The following CAMTA1 variants were observed in gnomAD, a reference collection of about 807,000 sequenced individuals.
CAMTA1 encodes calmodulin-binding transcription activator 1.
Under a neutral mutation model 170.9 loss-of-function variants are expected in CAMTA1, and 27 were observed. The observed-to-expected ratio is 0.16, with a 90% CI of 0.12 to 0.22. The LOEUF is 0.22. CAMTA1 is among the 10% of genes least tolerant of loss of function. The pLI is 1.00. For synonymous variants in CAMTA1, 833 were observed against 891.5 expected (o/e 0.93, Z 1.17); for missense variants, 1,619 against 2,217.2 (o/e 0.73, Z 5.42).
chr1:7,338,139 C>T (rs1489023614), intron 5 of CAMTA1, among the ~76,000 whole-genome samples: 1 of 151,936 alleles, frequency 6.6e-6, no homozygotes, highest in East Asian at 1.9e-4. Context: ...GTGCCACTTC[C>T]TCCTCCAGAT....
At chr1:7,328,791 C>A (rs979523987) in intron 5 of CAMTA1, among the ~76,000 whole-genome samples, 3 of 151,958 alleles carry the variant, frequency 2.0e-5, no homozygotes, top group Non-Finnish European at 2.9e-5. Context: ...TTTACCTTTT[C>A]CCCCCAAATC....
chr1:7,294,057 C>T (rs17350193), intron 5 of CAMTA1, among the ~76,000 whole-genome samples: 5,871 of 152,248 alleles, frequency 0.039, 160 homozygotes, highest in Middle Eastern at 0.13. Flanking sequence ...ATGCAGAGGG[C>T]GTTAGTTGAT....
Position 7,064,331 on chromosome 1 carries a change from C to T in CAMTA1, c.235-26973C>T, listed in dbSNP as rs566815049. The stretch of plus-strand genomic sequence containing the variant: ...GAAGCCATTAATATAATCATGAGGA[C>T]ACCTACCTTCATGACTTGTCTCATA... On this transcript the variant is annotated intron_variant, in intron 3 of 22. Coordinates refer to ENST00000303635, the MANE Select transcript of CAMTA1 (RefSeq NM_015215.4). The surrounding 1 kb of genome is among the most constrained non-coding windows in gnomAD (Gnocchi z 5.4). Among the ~76,000 whole-genome samples the T allele has an allele frequency of 4.3e-4, 65 of 152,254 alleles. No individual in the cohort carries two copies. Among genetic ancestry groups the T allele is most frequent in the Admixed American group, 7.8e-4 (12 of 15,288 alleles).
At chr1:7,287,796 T>C (rs1372042759) in intron 5 of CAMTA1, among the ~76,000 whole-genome samples, 2 of 152,186 alleles carry the variant, frequency 1.3e-5, no homozygotes, top group Non-Finnish European at 2.9e-5. Context: ...GCTCCTTCTA[T>C]TGTGTGGCTC....
At chr1:7,054,391 A>C (rs1706963709) in intron 3 of CAMTA1, among the ~76,000 whole-genome samples, 1 of 152,260 alleles carries the variant, frequency 6.6e-6, no homozygotes, top group African/African-American at 2.4e-5. Flanking sequence ...TTCAGGCTTC[A>C]TTCCTGCTGG....
At chr1:7,425,411 A>G (rs907254799) in intron 5 of CAMTA1, among the ~76,000 whole-genome samples, 4 of 152,098 alleles carry the variant, frequency 2.6e-5, no homozygotes, top group African/African-American at 9.7e-5. Context: ...GCAGTCCCCT[A>G]GCCCATGTCA....
At position 7,295,504 on chromosome 1, in the gene CAMTA1, C is replaced by G. The variant is rs1184174646; in HGVS notation, c.438+45878C>G. On this transcript the variant is annotated intron_variant, in intron 5 of 22. Coordinates refer to ENST00000303635, the MANE Select transcript of CAMTA1 (RefSeq NM_015215.4). ...CTGGTAAGGGTTTGAGTAAAACAGA[C>G]TGATTGGATAGTTAGTGATGCTGGG... Among the ~76,000 whole-genome samples, 3 of 152,176 alleles carry G rather than the reference C, an allele frequency of 2.0e-5. No homozygotes were observed. In the East Asian group the frequency reaches 5.8e-4, roughly 29 times the overall value.
chr1:7,164,893 A>G (rs577069342), intron 4 of CAMTA1, among the ~76,000 whole-genome samples: 3 of 152,374 alleles, frequency 2.0e-5, no homozygotes, highest in Non-Finnish European at 4.4e-5. Context: ...CAATGGTAAC[A>G]TCATCTGTTA....
At chr1:6,801,541 G>T (rs569547690) in intron 1 of CAMTA1, among the ~76,000 whole-genome samples, 6 of 152,114 alleles carry the variant, frequency 3.9e-5, no homozygotes, top group Non-Finnish European at 8.8e-5. Context: ...AAAAAGTCAT[G>T]ATTTTCAGAA....
intron 3 of CAMTA1, among the ~76,000 whole-genome samples, chr1:6,997,271 G>A (rs61780914): frequency 0.018 from 2,704 of 152,148 alleles, 68 homozygotes; most frequent in South Asian, 0.089. Context: ...TTGTGTGTGT[G>A]TGTGTGCGAG....
chr1:7,130,234 C>A (rs747499263), intron 4 of CAMTA1, among the ~76,000 whole-genome samples: 2 of 152,176 alleles, frequency 1.3e-5, no homozygotes, highest in Non-Finnish European at 2.9e-5. Flanking sequence ...GCACCATGCC[C>A]AGTCAAATCT....
At chr1:7,298,293 T>C (rs1387738901) in intron 5 of CAMTA1, among the ~76,000 whole-genome samples, 1 of 149,230 alleles carries the variant, frequency 6.7e-6, no homozygotes, top group Admixed American at 6.7e-5. Flanking sequence ...TGCATTGTCA[T>C]TTTAGCCTTC....
At chr1:7,267,987 TATC>T (rs896601375) in intron 5 of CAMTA1, among the ~76,000 whole-genome samples, 33 of 152,178 alleles carry the variant, frequency 2.2e-4, no homozygotes, top group African/African-American at 7.5e-4. Flanking sequence ...GTAGTGAACT[TATC>T]ATCCCACCCA....
chr1:7,497,393 C>G (rs1356445611), intron 6 of CAMTA1, among the ~76,000 whole-genome samples: 1 of 152,186 alleles, frequency 6.6e-6, no homozygotes, highest in Non-Finnish European at 1.5e-5. Context: ...AAGCCTATAC[C>G]CTGGCTGAAA....
intron 3 of CAMTA1, among the ~76,000 whole-genome samples, chr1:6,923,957 C>T (rs2149335650): frequency 6.6e-6 from 1 of 152,224 alleles, no homozygotes; most frequent in South Asian, 2.1e-4. Flanking sequence ...CCAGAGAGAA[C>T]CCCCATTACT....
chr1:6,847,476 G>A (rs1001139061), intron 3 of CAMTA1, among the ~76,000 whole-genome samples: 2 of 151,960 alleles, frequency 1.3e-5, no homozygotes, highest in African/African-American at 4.8e-5. Context: ...AGAGATGGAT[G>A]AGTTAAGGTT....
intron 6 of CAMTA1, among the ~76,000 whole-genome samples, chr1:7,623,233 C>A (rs950167657): frequency 1.3e-5 from 2 of 152,086 alleles, no homozygotes; most frequent in Non-Finnish European, 2.9e-5. Context: ...TAGGCCAGTC[C>A]CTGGTATCTT....
chr1:7,461,160 C>T (rs760834963), intron 5 of CAMTA1, among the ~76,000 whole-genome samples: 1 of 152,152 alleles, frequency 6.6e-6, no homozygotes, highest in Non-Finnish European at 1.5e-5. Context: ...TGAGCTTTGC[C>T]ATCACAGGCA....
rs1256323438 is a variant in CAMTA1 at position 6,832,004 on chromosome 1, G to GA, written c.234+6799dup. 4.0e-5 allele frequency among the ~76,000 whole-genome samples: 6 copies of GA among 151,846 alleles called. No homozygotes were observed. The South Asian group carries it at 1.2e-3, about 32-fold the overall frequency. Reference sequence around the variant, plus strand: ...CCCCTAACTTTTTATATTTAGGTAAGAAAAATGGCCTTTAACACTGTAAGA... The same window carrying GA: ...CCCCTAACTTTTTATATTTAGGTAAGAAAAAATGGCCTTTAACACTGTAAGA... On this transcript the variant is annotated intron_variant, in intron 3 of 22. Transcript: ENST00000303635.
Sources: allele counts gnomAD v4.1 joint callset (sites outside exome capture counted in the v4.1 genomes callset), GRCh38; gene constraint gnomAD v4.1.1; non-coding constraint Gnocchi (gnomAD v3.1); transcripts MANE v1.5; gene names NCBI Gene and HGNC (gene_info 2026-07-23, HGNC 2026-07-21).